IRAG2: variants seen among roughly 807,000 people sequenced by gnomAD.
IRAG2 encodes the protein inositol 1,4,5-triphosphate receptor associated 2, also known as lymphoid restricted membrane protein.
A neutral mutation model predicts 69.9 loss-of-function variants in IRAG2; 45 were observed. The observed-to-expected ratio is 0.64, with a 90% CI of 0.51 to 0.83. IRAG2 has a LOEUF of 0.83. Ranked by LOEUF, IRAG2 falls within the 40% of genes least tolerant of loss-of-function variation. The pLI, the probability that IRAG2 is intolerant of heterozygous loss-of-function variation, is 0.00. For synonymous variants in IRAG2, 193 were observed against 202.4 expected, an observed-to-expected ratio of 0.95 and a Z score of 0.40; for missense variants, 520 against 587.0, an observed-to-expected ratio of 0.89 and a Z score of 1.18.
intron 14 of IRAG2, chr12:25,093,669 T>C (rs1337725393): frequency 6.5e-6 from 1 of 154,020 alleles, no homozygotes; most frequent in Non-Finnish European, 1.5e-5. Context: ...TTGGCATACA[T>C]AGATGAGCTG....
At chr12:25,101,420 T>C (rs1592101055) in intron 16 of IRAG2, 95 bp downstream of exon 16, 1 of 795,274 alleles carries the variant, frequency 1.3e-6, no homozygotes, top group Non-Finnish European at 1.8e-6. Context: ...AATAAAACTC[T>C]TAGGTTAACT....
chr12:25,035,719 G>A (rs1002749902), exon 14 of IRAG2: 7 of 398,894 alleles, frequency 1.8e-5, no homozygotes, highest in African/African-American at 1.4e-4. Context: ...GATGGATCAG[G>A]AAATGCTGCT....
chr12:25,050,112 G>A (rs952586188), upstream of IRAG2, among the ~76,000 whole-genome samples: 10 of 151,694 alleles, frequency 6.6e-5, no homozygotes, highest in Admixed American at 5.3e-4. Flanking sequence ...GGGTGACAGA[G>A]TGAGACTCCG....
Position 25,062,006 on chromosome 12 carries a change from T to G in IRAG2, c.-385+353T>G, listed in dbSNP as rs1251197355. Among the ~76,000 whole-genome samples the G allele has an allele frequency of 5.3e-5, 8 of 152,200 alleles. No homozygotes were observed. The East Asian group carries it at 1.5e-3, about 29-fold the overall frequency. On this transcript the variant is annotated intron_variant, in intron 2 of 21. Transcript: ENST00000556887. ...CATTCAATTTATAATATGCTGAAAT[T>G]TTGAGTATTCTTGAATAGGCTTTGA...
At chr12:25,030,292 A>T (rs1056097026) in exon 10 of IRAG2, 1 of 1,231,632 alleles carries the variant, frequency 8.1e-7, no homozygotes, top group Non-Finnish European at 1.0e-6. Context: ...AGTTACACAC[A>T]TATGAGAACA....
intron 13 of IRAG2, 68 bp downstream of exon 13, chr12:25,089,858 A>G: frequency 1.3e-6 from 2 of 1,515,682 alleles, no homozygotes; most frequent in South Asian, 2.3e-5. Flanking sequence ...CAGTCACTTC[A>G]TGTTTTGGCA....
At chr12:25,077,266 AATATATATGAAAT>A (rs1946796658) in intron 6 of IRAG2, among the ~76,000 whole-genome samples, 2 of 32,852 alleles carry the variant, frequency 6.1e-5, no homozygotes, top group Admixed American at 3.9e-4. Context: ...ATATATATGA[AATATATATGAAAT>A]ATATATGATA....
At chr12:25,096,568 T>C (rs557329406) in intron 14 of IRAG2, among the ~76,000 whole-genome samples, 2 of 152,324 alleles carry the variant, frequency 1.3e-5, no homozygotes, top group African/African-American at 4.8e-5. Context: ...CCTTATATGA[T>C]ACATTCACCT....
chr12:25,012,331 T>C (rs1944483262), intron 3 of IRAG2, among the ~76,000 whole-genome samples: 2 of 151,424 alleles, frequency 1.3e-5, no homozygotes, highest in Non-Finnish European at 2.9e-5. Context: ...ATGCTTGTAT[T>C]TTTAGTAGAG....
At chr12:25,056,302 T>C (rs191330521) in intron 1 of IRAG2, among the ~76,000 whole-genome samples, 1 of 152,204 alleles carries the variant, frequency 6.6e-6, no homozygotes, top group African/African-American at 2.4e-5. Flanking sequence ...ATAGAAGGTT[T>C]TGGGGTGACG....
intron 5 of IRAG2, among the ~76,000 whole-genome samples, chr12:25,069,098 G>A (rs1404164066): frequency 1.3e-5 from 2 of 152,122 alleles, no homozygotes; most frequent in Non-Finnish European, 2.9e-5. Context: ...CTATATTGAG[G>A]GTGAGGAAGG....
rs1565562503 is a variant in IRAG2, at chr12:25,077,240, GAAATATATATATGAT to G, written c.25-2002_25-1988del. On this transcript the variant is annotated intron_variant, in intron 6 of 21. Coordinates refer to ENST00000556887, the MANE Select transcript of IRAG2 (RefSeq NM_001366544.2). Reference sequence around the variant, plus strand: ...TATGAAATATATATGATATATATATGAAATATATATATGATATATATATGAAATATATATGAAATA... The same window carrying G: ...TATGAAATATATATGATATATATATGATATATATGAAATATATATGAAATA... Among the ~76,000 whole-genome samples, 13 of 79,690 alleles carry G rather than the reference GAAATATATATATGAT, an allele frequency of 1.6e-4. 1 individual carries two copies. The highest frequency in any genetic ancestry group is 4.5e-4 in the Admixed American group (3 of 6,618). The allele number at this position is 79,690 out of a possible 152,430, so 52.3% of individuals were successfully genotyped here. A position where few individuals can be genotyped will look rare whatever the true frequency, so the allele number is the denominator to read the frequency against.
At chr12:25,096,284 G>A (rs1342266969) in intron 14 of IRAG2, among the ~76,000 whole-genome samples, 2 of 152,006 alleles carry the variant, frequency 1.3e-5, no homozygotes, top group Non-Finnish European at 2.9e-5. Flanking sequence ...TGTTGCTTTA[G>A]ATTTGGGAAA....
intron 1 of IRAG2, among the ~76,000 whole-genome samples, chr12:25,054,436 G>T (rs1438752919): frequency 6.6e-6 from 1 of 152,102 alleles, no homozygotes; most frequent in African/African-American, 2.4e-5. Context: ...CTAAGAATTT[G>T]TTCCCCTTCC....
intron 7 of IRAG2, among the ~76,000 whole-genome samples, chr12:25,022,135 G>A (rs1944586013): frequency 1.3e-5 from 2 of 152,202 alleles, no homozygotes; most frequent in Non-Finnish European, 2.9e-5. Flanking sequence ...TTACCCTAGG[G>A]CTGGGAGGGA....
exon 1 of IRAG2, chr12:25,004,821 C>T: frequency 8.1e-7 from 1 of 1,232,038 alleles, no homozygotes; most frequent in Non-Finnish European, 1.0e-6. Flanking sequence ...ATTTTAGTAC[C>T]TTAACACTTG....
chr12:25,104,149 A>G (rs1170396344), intron 19 of IRAG2, 91 bp downstream of exon 19: 10 of 1,093,972 alleles, frequency 9.1e-6, no homozygotes, highest in East Asian at 4.9e-5. Flanking sequence ...TGATATAGTA[A>G]TGTTTGATTT....
At position 25,031,710 on chromosome 12, in the gene IRAG2, G is replaced by A. The variant is rs699048; in HGVS notation, c.1519-432G>A. 2.4e-4 allele frequency among the ~76,000 whole-genome samples: 36 copies of A among 151,998 alleles called. No homozygotes were observed. In the East Asian group the frequency reaches 5.2e-3, roughly 22 times the overall value. On this transcript the variant is annotated intron_variant, in intron 10 of 38. Coordinates refer to the IRAG2 transcript ENST00000636465. ...TTTGTTTCACTCTTGTTGCCCAGGCGGGAGTGCAATGGCGTGATCTTGGCT... is the reference window on the plus strand; with the variant it reads ...TTTGTTTCACTCTTGTTGCCCAGGCAGGAGTGCAATGGCGTGATCTTGGCT...
intron 14 of IRAG2, 111 bp downstream of exon 14, chr12:25,090,308 AAGGC>A: frequency 1.0e-6 from 1 of 968,582 alleles, no homozygotes; most frequent in Non-Finnish European, 1.5e-6. Flanking sequence ...ATGGGAGACC[AAGGC>A]AGGAGGATCA....
Sources: allele counts gnomAD v4.1 joint callset (sites outside exome capture counted in the v4.1 genomes callset), GRCh38; gene constraint gnomAD v4.1.1; transcripts MANE v1.5; gene names NCBI Gene and HGNC (gene_info 2026-07-23, HGNC 2026-07-21).